AHNAK: variants seen among roughly 807,000 people sequenced by gnomAD.
The protein encoded by AHNAK is neuroblast differentiation-associated protein AHNAK.
AHNAK carries 23 observed loss-of-function variants against 37.8 expected under a neutral mutation model. The observed-to-expected ratio is 0.61, with a 90% CI of 0.44 to 0.86. The LOEUF is 0.86. Among genes scored for constraint, AHNAK ranks in the 40% least tolerant of loss-of-function variants. The pLI is 0.00. For missense variants in AHNAK, 7,411 were observed against 7,319.4 expected (o/e 1.01, Z -0.46); for synonymous variants, 2,481 against 2,636.3 (o/e 0.94, Z 1.80).
At chr11:62,486,703 T>C (rs1333909645) in intron 5 of AHNAK, among the ~76,000 whole-genome samples, 1 of 151,896 alleles carries the variant, frequency 6.6e-6, no homozygotes, top group African/African-American at 2.4e-5. Context: ...CACTGAGCTG[T>C]ACACCTAAAA....
chr11:62,491,658 T>C, intron 5 of AHNAK: 1 of 1,408,266 alleles, frequency 7.1e-7, no homozygotes, highest in Non-Finnish European at 9.8e-7. Context: ...CAGGCAGGCA[T>C]GCCCATCTGT....
Position 62,520,163 on chromosome 11 carries a change from C to T in AHNAK, c.14254G>A (p.Gly4752Ser), listed in dbSNP as rs771224512. The T allele has an allele frequency of 1.2e-6, 2 of 1,613,442 alleles. No individual in the cohort carries two copies. Among genetic ancestry groups the T allele is most frequent in the Admixed American group, 1.7e-5 (1 of 59,930 alleles). Residue 4752 changes from glycine (G) to serine (S), a missense_variant, in exon 5 of 5, where the codon GGC becomes AGC. By Grantham distance (56) the Gly-to-Ser change is moderately conservative (BLOSUM62 0). Coordinates refer to ENST00000378024, the MANE Select transcript of AHNAK (RefSeq NM_001620.3). ...GGGCCCTTGATGTCAGCTTCTGGGC[C>T]CTTGAGGTCACCTTCCACTTTAGGA... The part of the protein sequence containing the change: ...TLPKVEGDLK[G>S]PEADIKGPKV...
Position 62,532,948 on chromosome 11 carries a change from G to C in AHNAK, c.1469C>G (p.Thr490Ser). ...AGGTTTCTGAATAATCATTTCAGGA[G>C]TCTTCACTTTAGTACCTTTCATCTT... ...EGKMKGTKVK[T>S]PEMIIQKPKI... Residue 490 changes from threonine to serine, a missense_variant, in exon 5 of 5, where the codon ACT (threonine) becomes AGT (serine). By Grantham distance (58) the Thr-to-Ser change is moderately conservative (BLOSUM62 1). Coordinates refer to ENST00000378024, the MANE Select transcript of AHNAK (RefSeq NM_001620.3). The C allele has an allele frequency of 6.2e-7, 1 of 1,614,112 alleles. No individual in the cohort carries two copies. The highest frequency in any genetic ancestry group is 8.5e-7 in the Non-Finnish European group (1 of 1,180,022).
chr11:62,473,387 CTA>C (rs1939077996), intron 5 of AHNAK, among the ~76,000 whole-genome samples: 1 of 34,146 alleles, frequency 2.9e-5, no homozygotes, highest in Non-Finnish European at 5.0e-5. Context: ...GAGACTCCAT[CTA>C]AAAAAAAAAA....
At position 62,530,616 on chromosome 11, in the gene AHNAK, G is replaced by A. The variant is rs1475991451; in HGVS notation, c.3801C>T (p.Phe1267=). 4 of 1,612,456 alleles carry A rather than the reference G, an allele frequency of 2.5e-6. No homozygotes were observed. Among genetic ancestry groups the A allele is most frequent in the Non-Finnish European group, 3.4e-6 (4 of 1,179,692 alleles). ...CATCCACTTCTCGGCCCTCTCCTTT[G>A]AAGCCAGGCATGCTAAACTTGGGCA... ...MKMPKFSMPG[F]KGEGREVDVN... is the part of the protein sequence containing the mutation. The change falls in exon 5 of 5, where the codon TTC becomes TTT. Residue 1267 remains phenylalanine, a synonymous_variant. Transcript: ENST00000378024.
chr11:62,537,054 C>T (rs911357335), intron 1 of AHNAK, among the ~76,000 whole-genome samples: 4 of 151,034 alleles, frequency 2.6e-5, no homozygotes, highest in African/African-American at 4.9e-5. Context: ...CCCGGGTTCA[C>T]GCCAGTCTCC....
rs557102664 is a variant in AHNAK at position 62,517,813 on chromosome 11, T to C, written c.16604A>G (p.His5535Arg). Residue 5535 changes from histidine (H) to arginine (R), a missense_variant, in exon 5 of 5, where the codon CAT becomes CGT. Transcript: ENST00000378024. ...CACACTGATATCAGGAGCAGCCCCA[T>C]GGAAACCTACTTCTGAACCTTTCAG... ...GGLKGSEVGF[H>R]GAAPDISVKG... 3.7e-6 allele frequency: 6 copies of C among 1,614,202 alleles called. No individual in the cohort carries two copies. In the Admixed American group the frequency reaches 5.0e-5, roughly 13 times the overall value.
Position 62,520,609 on chromosome 11 carries a change from T to A in AHNAK, c.13808A>T (p.Lys4603Ile). The change falls in exon 5 of 5, where the codon AAA (lysine) becomes ATA (isoleucine). Residue 4603 changes from lysine (K) to isoleucine (I), a missense_variant. By Grantham distance (102) the Lys-to-Ile change is moderately radical (BLOSUM62 -3). Coordinates refer to ENST00000378024, the MANE Select transcript of AHNAK (RefSeq NM_001620.3). ...ISMPEVDLNL[K>I]GPKVKGDMDI... The stretch of plus-strand genomic sequence containing the variant: ...CATGTCGCCCTTCACCTTTGGACCT[T>A]TCAGATTCAGGTCAACTTCAGGCAT... 1 of 1,614,144 alleles carries A rather than the reference T, an allele frequency of 6.2e-7. No individual in the cohort carries two copies. Among genetic ancestry groups the A allele is most frequent in the Non-Finnish European group, 8.5e-7 (1 of 1,180,022 alleles).
chr11:62,466,466 T>C (rs1938913951), intron 5 of AHNAK, among the ~76,000 whole-genome samples: 1 of 121,816 alleles, frequency 8.2e-6, no homozygotes, highest in African/African-American at 3.0e-5. Flanking sequence ...AAGTAAAGTT[T>C]TGATTTTTTT....
intron 5 of AHNAK, among the ~76,000 whole-genome samples, chr11:62,444,619 G>A (rs922196421): frequency 1.3e-5 from 2 of 152,200 alleles, no homozygotes; most frequent in African/African-American, 2.4e-5. Flanking sequence ...CAAAGTGTCC[G>A]GTTTTCTTTC....
intron 5 of AHNAK, among the ~76,000 whole-genome samples, chr11:62,438,503 G>A (rs1938229483): frequency 6.6e-6 from 1 of 151,512 alleles, no homozygotes; most frequent in African/African-American, 2.4e-5. Context: ...TTTTTAATTG[G>A]GTCATTTTTA....
chr11:62,468,366 A>AT (rs1160250152), intron 5 of AHNAK, among the ~76,000 whole-genome samples: 10 of 137,846 alleles, frequency 7.3e-5, no homozygotes, highest in African/African-American at 2.6e-4. Flanking sequence ...AAGAAAAAAA[A>AT]AAAAAATATA....
chr11:62,537,148 G>T (rs191382657), intron 1 of AHNAK, among the ~76,000 whole-genome samples: 2 of 152,110 alleles, frequency 1.3e-5, no homozygotes, highest in East Asian at 3.9e-4. Context: ...TTTTAGTAGA[G>T]ATGGGGTTTC....
Position 62,530,349 on chromosome 11 carries a change from A to G in AHNAK, c.4068T>C (p.Asp1356=). 6.2e-7 allele frequency: 1 copy of G among 1,613,826 alleles called. No homozygotes were observed. Among genetic ancestry groups the G allele is most frequent in the Non-Finnish European group, 8.5e-7 (1 of 1,179,974 alleles). ...PEVEGEMKVP[D]VDIKGPKVDI... The stretch of plus-strand genomic sequence containing the variant: ...CAACTTTGGGCCCTTTAATGTCAAC[A>G]TCTGGCACTTTCATTTCACCTTCTA... The change falls in exon 5 of 5, where the codon GAT becomes GAC. Residue 1356 remains aspartate, a synonymous_variant. Transcript: ENST00000378024.
chr11:62,480,403 T>C (rs910654094), intron 5 of AHNAK, among the ~76,000 whole-genome samples: 9 of 152,078 alleles, frequency 5.9e-5, no homozygotes, highest in Non-Finnish European at 1.2e-4. Context: ...GACTCACGCC[T>C]GTAATCCCAG....
At chr11:62,464,667 CAA>C (rs55916906) in intron 5 of AHNAK, among the ~76,000 whole-genome samples, 2 of 142,024 alleles carry the variant, frequency 1.4e-5, no homozygotes, top group Non-Finnish European at 1.5e-5. Context: ...GATTCCGTCT[CAA>C]AAAAAAAAAA....
Position 62,519,014 on chromosome 11 carries a change from CA to C in AHNAK, c.15402del (p.Asp5135ThrfsTer21). Reference sequence around the variant, plus strand: ...ACCTTGGGAGCCTTCGCCTTGATGTCAAGACCTTCGACGTGAATCGCTGGCA... The same window carrying C: ...ACCTTGGGAGCCTTCGCCTTGATGTCAGACCTTCGACGTGAATCGCTGGCA... ...LSLPAIHVEG[L>X]DIKAKAPKVK... On this transcript the variant is annotated frameshift_variant, in exon 5 of 5. Transcript: ENST00000378024. LOFTEE classifies it low-confidence loss of function (END_TRUNC). 1 of 1,613,928 alleles carries C rather than the reference CA, an allele frequency of 6.2e-7. No homozygotes were observed. Among genetic ancestry groups the C allele is most frequent in the Non-Finnish European group, 8.5e-7 (1 of 1,179,890 alleles).
intron 4 of AHNAK, among the ~76,000 whole-genome samples, chr11:62,496,652 G>A (rs1038180943): frequency 1.3e-4 from 20 of 152,134 alleles, no homozygotes; most frequent in African/African-American, 1.7e-4. Flanking sequence ...AAAGTTAGCC[G>A]GGCGTGGTGG....
chr11:62,521,991 C>T lies in AHNAK; in HGVS notation c.12426G>A (p.Lys4142=). The change falls in exon 5 of 5, where the codon AAG becomes AAA. Residue 4142 remains lysine (K), a synonymous_variant. Coordinates refer to ENST00000378024, the MANE Select transcript of AHNAK (RefSeq NM_001620.3). ...GAGAAACGTCCACGTCGCCCTTCAT[C>T]TTTGGACCTTTCAGATTCAGGTCAA... ...PEVDLNLKGP[K]MKGDVDVSLP... The T allele has an allele frequency of 1.9e-6, 3 of 1,613,760 alleles. No homozygotes were observed. Among genetic ancestry groups the T allele is most frequent in the Non-Finnish European group, 2.5e-6 (3 of 1,179,962 alleles).
Sources: gnomAD v4.1 joint callset for allele counts (sites outside exome capture counted in the v4.1 genomes callset) on GRCh38, gnomAD v4.1.1 for gene constraint, MANE v1.5 for transcripts, NCBI Gene and HGNC (gene_info 2026-07-23, HGNC 2026-07-21) for gene names.